Variants in NOVA1 observed in about 807,000 individuals in gnomAD.
NOVA1 encodes NOVA alternative splicing regulator 1, also known as RNA-binding protein Nova-1.
Under a neutral mutation model 38.0 loss-of-function variants are expected in NOVA1, and 7 were observed. The observed-to-expected ratio is 0.18, with a 90% CI of 0.10 to 0.35. The LOEUF (loss-of-function observed/expected upper bound fraction) is 0.35, where lower values mean the gene tolerates loss of function less well. Among genes scored for constraint, NOVA1 ranks in the 10% least tolerant of loss-of-function variants. The pLI is 1.00. For synonymous variants in NOVA1, 270 were observed against 232.5 expected, an observed-to-expected ratio of 1.16 and a Z score of -1.47; for missense variants, 460 against 616.0, an observed-to-expected ratio of 0.75 and a Z score of 2.68.
At chr14:26,516,968 C>A (rs938270138) in intron 2 of NOVA1, among the ~76,000 whole-genome samples, 3 of 149,118 alleles carry the variant, frequency 2.0e-5, no homozygotes, top group Non-Finnish European at 3.0e-5. Flanking sequence ...TGCAGTGGCA[C>A]GATCTTGGCT....
chr14:26,490,094 A>G (rs2138348066), intron 2 of NOVA1, among the ~76,000 whole-genome samples: 1 of 152,328 alleles, frequency 6.6e-6, no homozygotes, highest in African/African-American at 2.4e-5. Context: ...TATTTCGTAT[A>G]AATGGAATCA....
intron 3 of NOVA1, 122 bp from the exon 4 acceptor site, chr14:26,472,513 C>G: frequency 2.2e-6 from 1 of 446,230 alleles, no homozygotes; most frequent in South Asian, 1.1e-4. Context: ...ACAAATTTTT[C>G]TCCTATTCAT....
At chr14:26,462,266 A>C (rs1164967674) in intron 4 of NOVA1, among the ~76,000 whole-genome samples, 1 of 152,152 alleles carries the variant, frequency 6.6e-6, no homozygotes, top group Admixed American at 6.5e-5. Context: ...TGAAACTAAT[A>C]CCTACCCTTC....
intron 4 of NOVA1, among the ~76,000 whole-genome samples, chr14:26,458,355 T>A (rs1361715451): frequency 6.6e-6 from 1 of 152,068 alleles, no homozygotes; most frequent in Non-Finnish European, 1.5e-5. Flanking sequence ...AATAAATCAC[T>A]TTACATAAAA....
intron 2 of NOVA1, among the ~76,000 whole-genome samples, chr14:26,573,616 C>T (rs1411485215): frequency 6.6e-6 from 1 of 151,906 alleles, no homozygotes; most frequent in African/African-American, 2.4e-5. Flanking sequence ...TATATGTAGA[C>T]AAGGATTAAA....
intron 2 of NOVA1, among the ~76,000 whole-genome samples, chr14:26,583,126 G>C (rs1197295167): frequency 2.6e-5 from 4 of 151,524 alleles, no homozygotes; most frequent in Admixed American, 2.0e-4. Flanking sequence ...AAGAAAGCAT[G>C]GTTTCAAATT....
At chr14:26,486,526 G>A (rs1216241969) in intron 2 of NOVA1, among the ~76,000 whole-genome samples, 5 of 151,442 alleles carry the variant, frequency 3.3e-5, no homozygotes, top group South Asian at 2.1e-4. Context: ...TGGCTAACAC[G>A]GTGAAACCCC....
At chr14:26,463,196 CGTTCTTTT>C (rs1883834311) in intron 4 of NOVA1, among the ~76,000 whole-genome samples, 2 of 152,106 alleles carry the variant, frequency 1.3e-5, no homozygotes, top group Non-Finnish European at 1.5e-5. Context: ...ATCATACATA[CGTTCTTTT>C]ATTTGTTTCT....
chr14:26,450,002 T>G (rs1882507501), intron 4 of NOVA1, among the ~76,000 whole-genome samples: 1 of 152,132 alleles, frequency 6.6e-6, no homozygotes, highest in Non-Finnish European at 1.5e-5. Flanking sequence ...ACATTTAAAA[T>G]TATATTATGG....
At chr14:26,486,727 A>AAAGC (rs1674196448) in intron 2 of NOVA1, among the ~76,000 whole-genome samples, 2 of 138,384 alleles carry the variant, frequency 1.4e-5, no homozygotes, top group Non-Finnish European at 3.2e-5. Flanking sequence ...AAAAAGCCAA[A>AAAGC]CAAACAAAAA....
At chr14:26,511,200 A>G (rs539587923) in intron 2 of NOVA1, among the ~76,000 whole-genome samples, 1 of 152,296 alleles carries the variant, frequency 6.6e-6, no homozygotes, top group South Asian at 2.1e-4. Context: ...GCTAATACAT[A>G]CAAGGCTGTG....
chr14:26,562,904 G>A (rs1004422980), intron 2 of NOVA1, among the ~76,000 whole-genome samples: 1 of 152,058 alleles, frequency 6.6e-6, no homozygotes, highest in Non-Finnish European at 1.5e-5. Context: ...AAGGGACAAG[G>A]TTAAAATGGA....
intron 2 of NOVA1, among the ~76,000 whole-genome samples, chr14:26,482,247 A>G (rs1290377459): frequency 6.6e-6 from 1 of 152,174 alleles, no homozygotes; most frequent in African/African-American, 2.4e-5. Context: ...ATTGCAGTAC[A>G]TACTGTTTGA....
At chr14:26,513,214 T>C (rs1888220735) in intron 2 of NOVA1, among the ~76,000 whole-genome samples, 1 of 152,126 alleles carries the variant, frequency 6.6e-6, no homozygotes, top group East Asian at 1.9e-4. Context: ...CATTTTATTA[T>C]TTTGTTTTAA....
chr14:26,501,400 T>C (rs1349728143), intron 2 of NOVA1, among the ~76,000 whole-genome samples: 1 of 151,962 alleles, frequency 6.6e-6, no homozygotes, highest in Non-Finnish European at 1.5e-5. Context: ...TGAACACATA[T>C]ACAAACTCAT....
intron 4 of NOVA1, among the ~76,000 whole-genome samples, chr14:26,463,475 T>G (rs1883868119): frequency 6.6e-6 from 1 of 152,186 alleles, no homozygotes; most frequent in Admixed American, 6.5e-5. Context: ...TTTTTATATC[T>G]GTATTGGACA....
At chr14:26,493,211 T>A (rs936840794) in intron 2 of NOVA1, among the ~76,000 whole-genome samples, 4 of 152,154 alleles carry the variant, frequency 2.6e-5, no homozygotes, top group African/African-American at 9.7e-5. Flanking sequence ...AATAGTGACA[T>A]GTGAAAATAG....
At chr14:26,592,825 C>T (rs895145347) in intron 2 of NOVA1, 2 of 151,544 alleles carry the variant, frequency 1.3e-5, no homozygotes, top group Non-Finnish European at 3.0e-5. Context: ...TAAAATGTCC[C>T]GAGTGTGTCT....
At chr14:26,509,910 C>T (rs1295784039) in intron 2 of NOVA1, among the ~76,000 whole-genome samples, 2 of 152,118 alleles carry the variant, frequency 1.3e-5, no homozygotes, top group Admixed American at 6.5e-5. Flanking sequence ...AAACTCCTGA[C>T]CTCGGGTGAT....
Sources: gnomAD v4.1 joint callset for allele counts (sites outside exome capture counted in the v4.1 genomes callset) on GRCh38, gnomAD v4.1.1 for gene constraint, MANE v1.5 for transcripts, NCBI Gene and HGNC (gene_info 2026-07-23, HGNC 2026-07-21) for gene names.